Variants in PLIN5 observed in about 807,000 individuals in gnomAD.
PLIN5 encodes perilipin 5, also known as perilipin-5.
PLIN5 carries 34 observed loss-of-function variants against 32.8 expected under a neutral mutation model. The observed-to-expected ratio is 1.04, with a 90% confidence interval of 0.79 to 1.38. The LOEUF is 1.38. Among genes scored for constraint, PLIN5 ranks in the 40% most tolerant of loss-of-function variants. The pLI is 0.00. For missense variants in PLIN5, 712 were observed against 660.5 expected (o/e 1.08, Z -0.85); for synonymous variants, 309 against 292.9 (o/e 1.05, Z -0.56).
In PLIN5 at chr19:4,523,508, C is replaced by T. The variant is rs367556183; in HGVS notation, c.*20G>A. On this transcript the variant is annotated 3_prime_UTR_variant, in exon 8 of 8. Coordinates refer to ENST00000381848, the MANE Select transcript of PLIN5 (RefSeq NM_001013706.3). This position sits in a 1 kb window ranked among gnomAD's most constrained non-coding sequence, Gnocchi z 5.0. ...GGGTGTGCAGGTGGCCTTTCCTCCCCGCCTCCACTGGCCCATGGGTCAGAA... is the reference window on the plus strand; with the variant it reads ...GGGTGTGCAGGTGGCCTTTCCTCCCTGCCTCCACTGGCCCATGGGTCAGAA... The T allele has an allele frequency of 2.3e-5, 35 of 1,526,968 alleles. No homozygotes were observed. Among genetic ancestry groups the T allele is most frequent in the African/African-American group, 8.3e-5 (6 of 71,902 alleles). The allele number at this position is 1,526,968 out of a possible 1,614,324, so 94.6% of individuals were successfully genotyped here. A position where few individuals can be genotyped will look rare whatever the true frequency, so the allele number is the denominator to read the frequency against.
chr19:4,531,495 G>A, intron 3 of PLIN5, 132 bp downstream of exon 3: 1 of 856,336 alleles, frequency 1.2e-6, no homozygotes, highest in Non-Finnish European at 1.7e-6. Flanking sequence ...CAGGTGGCAT[G>A]GCAGTGGGAC....
Position 4,525,115 on chromosome 19 carries a change from G to T in PLIN5, c.721-39C>A. On this transcript the variant is annotated intron_variant, in intron 6 of 7. Coordinates refer to ENST00000381848, the MANE Select transcript of PLIN5 (RefSeq NM_001013706.3). The surrounding 1 kb of genome is among the most constrained non-coding windows in gnomAD (Gnocchi z 5.6). ...AATGGTGGTCTTCAGAGCTGGGGGA[G>T]CTGGGGGAGCTGGGGGTCGGGGTGG... The T allele has an allele frequency of 1.8e-6, 2 of 1,108,062 alleles. No individual in the cohort carries two copies. The highest frequency in any genetic ancestry group is 2.4e-6 in the Non-Finnish European group (2 of 820,072). 68.6% of individuals were successfully genotyped at this position (1,108,062 alleles called of 1,614,324 possible).
At chr19:4,533,889 T>C (rs1976916451) in intron 2 of PLIN5, 126 bp downstream of exon 2, 2 of 1,148,364 alleles carry the variant, frequency 1.7e-6, no homozygotes, top group Non-Finnish European at 2.5e-6. Context: ...GACCAAAATA[T>C]TTTATGACTC....
chr19:4,529,670 G>C (rs1383133534), intron 4 of PLIN5, 114 bp downstream of exon 4: 2 of 731,256 alleles, frequency 2.7e-6, no homozygotes, highest in East Asian at 2.6e-5. Context: ...ATTTTAACCT[G>C]GCTGTTTTTT....
intron 5 of PLIN5, 196 bp downstream of exon 5, chr19:4,528,877 G>A: frequency 1.8e-6 from 1 of 548,342 alleles, no homozygotes; most frequent in Non-Finnish European, 3.1e-6. Flanking sequence ...GGGTCTGGGT[G>A]TTCTGACTCC....
chr19:4,529,275 C>T, intron 4 of PLIN5, 22 bp from the exon 5 acceptor site: 1 of 1,574,974 alleles, frequency 6.3e-7, no homozygotes. Flanking sequence ...GGCCCCCCCA[C>T]TCCAGGCACC....
chr19:4,527,081 A>T (rs962217708), intron 5 of PLIN5, among the ~76,000 whole-genome samples: 4 of 148,958 alleles, frequency 2.7e-5, no homozygotes, highest in Non-Finnish European at 6.0e-5. Flanking sequence ...TAAGAAAAAA[A>T]ATTTTTTTTT....
At chr19:4,526,253 G>C (rs895258300) in intron 5 of PLIN5, among the ~76,000 whole-genome samples, 2 of 151,784 alleles carry the variant, frequency 1.3e-5, no homozygotes, top group African/African-American at 4.8e-5. Flanking sequence ...ATGGAGTCTC[G>C]CTCTGTCCCC....
At chr19:4,526,857 C>CAAAAAAAAAAAAAAAAAAAAAAAAAA (rs141886356) in intron 5 of PLIN5, among the ~76,000 whole-genome samples, 23 of 138,704 alleles carry the variant, frequency 1.7e-4, no homozygotes, top group African/African-American at 6.6e-4. Context: ...GACTCCATCT[C>CAAAAAAAAAAAAAAAAAAAAAAAAAA]AAAAAAAAAT....
rs750572297 is a variant in PLIN5 at position 4,525,872 on chromosome 19, C to T, written c.521-40G>A. The T allele has an allele frequency of 3.7e-5, 47 of 1,274,688 alleles. No individual in the cohort carries two copies. In the East Asian group the frequency reaches 4.1e-4, roughly 11 times the overall value. 79.0% of individuals were successfully genotyped at this position (1,274,688 alleles called of 1,614,324 possible). On this transcript the variant is annotated intron_variant, in intron 5 of 7. Coordinates refer to ENST00000381848, the MANE Select transcript of PLIN5 (RefSeq NM_001013706.3). The surrounding 1 kb of genome is among the most constrained non-coding windows in gnomAD (Gnocchi z 5.6). ...ACGGGGACAGCACGGGGACAGGATACGGGGACAGCACGGGGACAGGATACG... is the reference window on the plus strand; with the variant it reads ...ACGGGGACAGCACGGGGACAGGATATGGGGACAGCACGGGGACAGGATACG...
chr19:4,531,853 TG>T, intron 2 of PLIN5, 31 bp from the exon 3 acceptor site: 12 of 1,481,872 alleles, frequency 8.1e-6, no homozygotes, highest in African/African-American at 1.4e-5. Context: ...AGGGGGACCC[TG>T]GGGGAAGTGG....
rs771577056 is a variant in PLIN5, at chr19:4,524,002, C to T, written c.918G>A (p.Arg306=). The change falls in exon 8 of 8, where the codon CGG becomes CGA. Residue 306 remains arginine, a synonymous_variant. Transcript: ENST00000381848. ...GTVEALESSV[R]GLPAGAQEKV... ...TCTCCTGGGCGCCGGCGGGCAGGCCCCGCACGCTGGACTCCAGAGCCTCTA... is the reference window on the plus strand; with the variant it reads ...TCTCCTGGGCGCCGGCGGGCAGGCCTCGCACGCTGGACTCCAGAGCCTCTA... The T allele has an allele frequency of 1.3e-6, 2 of 1,521,332 alleles. No homozygotes were observed. Among genetic ancestry groups the T allele is most frequent in the Non-Finnish European group, 1.8e-6 (2 of 1,142,132 alleles). The allele number at this position is 1,521,332 out of a possible 1,614,324, so 94.2% of individuals were successfully genotyped here. A position where few individuals can be genotyped will look rare whatever the true frequency, so the allele number is the denominator to read the frequency against.
rs370537029 is a variant in PLIN5 at position 4,524,954 on chromosome 19, C to G, written c.834+9G>C. The G allele has an allele frequency of 2.0e-6, 3 of 1,529,472 alleles. No individual in the cohort carries two copies. The highest frequency in any genetic ancestry group is 1.2e-5 in the South Asian group (1 of 82,834). 94.7% of individuals were successfully genotyped at this position (1,529,472 alleles called of 1,614,324 possible). A position where few individuals can be genotyped will look rare whatever the true frequency, so the allele number is the denominator to read the frequency against. ...GACACCACCTCACCTGGCACTCCTG[C>G]GGTCTCACCTGGCTCCGGCGGCGGC... is the stretch of plus-strand genomic sequence containing the variant. On this transcript the variant is annotated intron_variant, in intron 7 of 7. Coordinates refer to ENST00000381848, the MANE Select transcript of PLIN5 (RefSeq NM_001013706.3).
chr19:4,528,867 G>C (rs1976841219), intron 5 of PLIN5: 1 of 499,440 alleles, frequency 2.0e-6, no homozygotes, highest in Non-Finnish European at 3.5e-6. Flanking sequence ...TATGCCCTTA[G>C]GGTCTGGGTG....
chr19:4,529,419 G>A (rs1472526325), intron 4 of PLIN5, 166 bp from the exon 5 acceptor site: 2 of 699,110 alleles, frequency 2.9e-6, no homozygotes, highest in East Asian at 2.8e-5. Flanking sequence ...CACAGAGGGT[G>A]TTGAGGGAGT....
At chr19:4,533,955 A>G in intron 2 of PLIN5, 60 bp downstream of exon 2, 1 of 1,568,940 alleles carries the variant, frequency 6.4e-7, no homozygotes, top group Non-Finnish European at 8.7e-7. Context: ...AAACGCTCCT[A>G]GAAGGGACTG....
Position 4,523,815 on chromosome 19 carries a change from C to T in PLIN5, c.1105G>A (p.Val369Met), listed in dbSNP as rs1168928883. 15 of 1,593,574 alleles carry T rather than the reference C, an allele frequency of 9.4e-6. No homozygotes were observed. Among genetic ancestry groups the T allele is most frequent in the East Asian group, 2.2e-5 (1 of 44,616 alleles). ...DELLELVVQA[V>M]PLPWLVGPFA... ...GGTCCCACCAGCCAGGGCAGCGGCA[C>T]GGCCTGCACCACCAGCTCCAGCAGC... Residue 369 changes from valine (V) to methionine (M), a missense_variant, in exon 8 of 8, where the codon GTG becomes ATG. By Grantham distance (21) the Val-to-Met change is conservative (BLOSUM62 1). Transcript: ENST00000381848. This position sits in a 1 kb window ranked among gnomAD's most constrained non-coding sequence, Gnocchi z 5.0.
At chr19:4,534,473 A>G (rs1203558169) in intron 1 of PLIN5, among the ~76,000 whole-genome samples, 1 of 152,148 alleles carries the variant, frequency 6.6e-6, no homozygotes, top group Non-Finnish European at 1.5e-5. Flanking sequence ...CCCAGGTTCA[A>G]GTGATTCTCC....
chr19:4,534,102 G>A lies in PLIN5; in HGVS notation c.-21-7C>T. 5 of 1,603,928 alleles carry A rather than the reference G, an allele frequency of 3.1e-6. No individual in the cohort carries two copies. Among genetic ancestry groups the A allele is most frequent in the Non-Finnish European group, 4.3e-6 (5 of 1,175,546 alleles). On this transcript the variant is annotated splice_polypyrimidine_tract_variant and splice_region_variant and intron_variant, in intron 1 of 7. Coordinates refer to ENST00000381848, the MANE Select transcript of PLIN5 (RefSeq NM_001013706.3). ...TGCTGCAAACAGGGTCACCCTGCGG[G>A]GCAGGATTGAGTAAGGGGAGCACCT...
Sources: gnomAD v4.1 joint callset for allele counts (sites outside exome capture counted in the v4.1 genomes callset) on GRCh38, gnomAD v4.1.1 for gene constraint, Gnocchi (gnomAD v3.1) non-coding constraint, MANE v1.5 for transcripts, NCBI Gene and HGNC (gene_info 2026-07-23, HGNC 2026-07-21) for gene names.